Variants in ASPRV1 observed in about 807,000 individuals in gnomAD.
ASPRV1 encodes aspartic peptidase retroviral like 1, also known as retroviral-like aspartic protease 1.
ASPRV1 carries 7 observed loss-of-function variants against 11.0 expected under a neutral mutation model. The observed-to-expected ratio is 0.64, with a 90% CI of 0.36 to 1.20. ASPRV1 has a LOEUF of 1.20. ASPRV1 is among the 50% of genes most tolerant of loss of function. ASPRV1 has a pLI of 0.02. For synonymous variants in ASPRV1, 136 were observed against 138.4 expected (o/e 0.98, Z 0.12); for missense variants, 299 against 320.0 (o/e 0.93, Z 0.50).
chr2:70,014,377 A>T, the ASPRV1 span, among the ~76,000 whole-genome samples: 122 of 152,328 alleles, frequency 8.0e-4, no homozygotes, highest in African/African-American at 2.7e-3. Context: ...ACATTTCTCC[A>T]AAGAAGATAT....
chr2:70,007,719 G>A, the ASPRV1 span, among the ~76,000 whole-genome samples: 1 of 152,210 alleles, frequency 6.6e-6, no homozygotes, highest in Non-Finnish European at 1.5e-5. Flanking sequence ...TAACTGCACA[G>A]AAAGTTTCTA....
chr2:69,954,592 G>A, the ASPRV1 span, among the ~76,000 whole-genome samples: 3 of 152,104 alleles, frequency 2.0e-5, no homozygotes, highest in Non-Finnish European at 4.4e-5. Flanking sequence ...GCTGGCCCCC[G>A]TCTTCTCCTC....
At chr2:70,000,139 T>C in the ASPRV1 span, among the ~76,000 whole-genome samples, 1 of 152,148 alleles carries the variant, frequency 6.6e-6, no homozygotes, top group Non-Finnish European at 1.5e-5. Context: ...ATGAATGCTT[T>C]AAAAATGAAC....
At chr2:70,071,122 A>C in the ASPRV1 span, among the ~76,000 whole-genome samples, 1 of 152,196 alleles carries the variant, frequency 6.6e-6, no homozygotes, top group Admixed American at 6.6e-5. Context: ...CCTAATGATT[A>C]CAAGAGTAGG....
the ASPRV1 span, among the ~76,000 whole-genome samples, chr2:69,970,563 A>G: frequency 6.6e-6 from 1 of 152,114 alleles, no homozygotes; most frequent in Non-Finnish European, 1.5e-5. Flanking sequence ...CTAAGACACT[A>G]CCACCTCCAG....
At chr2:69,947,428 C>T in the ASPRV1 span, among the ~76,000 whole-genome samples, 3 of 152,188 alleles carry the variant, frequency 2.0e-5, no homozygotes, top group South Asian at 2.1e-4. Context: ...TCTCTTCTCC[C>T]TTTGGCTGTC....
At chr2:69,952,460 G>C in the ASPRV1 span, among the ~76,000 whole-genome samples, 9 of 151,560 alleles carry the variant, frequency 5.9e-5, no homozygotes, top group African/African-American at 2.2e-4. Context: ...AGCTGTGATC[G>C]TGACACTGCA....
upstream of ASPRV1, chr2:69,964,465 T>C (rs1000381250): frequency 2.5e-5 from 9 of 366,254 alleles, no homozygotes; most frequent in Admixed American, 7.1e-5. Context: ...AGTTCTCAAG[T>C]TCCCTTATGC....
At chr2:69,980,612 G>A in the ASPRV1 span, among the ~76,000 whole-genome samples, 11 of 152,066 alleles carry the variant, frequency 7.2e-5, no homozygotes, top group Non-Finnish European at 1.3e-4. Flanking sequence ...CAAAATATCT[G>A]GAGTTTACTT....
chr2:69,963,403 T>C (rs72910672), upstream of ASPRV1: 2,446 of 456,722 alleles, frequency 5.4e-3, 56 homozygotes, highest in African/African-American at 0.045. Flanking sequence ...TGCAGATAGC[T>C]TCCCAGCTGC....
the ASPRV1 span, chr2:69,993,761 G>A: frequency 1.3e-5 from 2 of 152,164 alleles, no homozygotes; most frequent in Admixed American, 1.3e-4. Flanking sequence ...CTATGGAATG[G>A]GACAATAATG....
chr2:70,063,217 C>T, the ASPRV1 span, among the ~76,000 whole-genome samples: 2 of 152,162 alleles, frequency 1.3e-5, no homozygotes, highest in African/African-American at 2.4e-5. Context: ...CCCCTCAAGA[C>T]TCTCTACTTG....
Position 69,960,829 on chromosome 2 carries a change from T to A in ASPRV1, c.608A>T (p.Asp203Val). 6.2e-7 allele frequency: 1 copy of A among 1,614,052 alleles called. No homozygotes were observed. Among genetic ancestry groups the A allele is most frequent in the Middle Eastern group, 1.6e-4 (1 of 6,062 alleles). ...ASAEEAIIGTDVLQDHNAILD... is the reference protein window; with the variant it reads ...ASAEEAIIGTVVLQDHNAILD... ...GATAGCATTGTGGTCCTGGAGCACA[T>A]CAGTGCCAATGATGGCTTCCTCGGC... Residue 203 changes from aspartate to valine, a missense_variant, in exon 1 of 1, where the codon GAT (aspartate) becomes GTT (valine). Asp to Val is a radical substitution (Grantham distance 152). Coordinates refer to ENST00000320256, the MANE Select transcript of ASPRV1 (RefSeq NM_152792.4).
the ASPRV1 span, among the ~76,000 whole-genome samples, chr2:70,027,287 G>A: frequency 8.1e-5 from 12 of 147,296 alleles, no homozygotes; most frequent in East Asian, 1.6e-3. Context: ...AAAAAAAAGC[G>A]GGGGGTGGAG....
chr2:70,013,798 T>C, the ASPRV1 span, among the ~76,000 whole-genome samples: 982 of 152,282 alleles, frequency 6.4e-3, 10 homozygotes, highest in African/African-American at 0.022. Flanking sequence ...TGAGAATCAC[T>C]TGAGCCTGGG....
chr2:69,956,150 C>T (rs543461906), downstream of ASPRV1, among the ~76,000 whole-genome samples: 1 of 152,058 alleles, frequency 6.6e-6, no homozygotes, highest in African/African-American at 2.4e-5. Flanking sequence ...TCCCCATGGC[C>T]AAATCTAAAA....
chr2:70,055,735 C>G, the ASPRV1 span: 4 of 152,004 alleles, frequency 2.6e-5, no homozygotes, highest in African/African-American at 9.7e-5. Context: ...GCACATGTAT[C>G]CAGTTTTGTT....
the ASPRV1 span, among the ~76,000 whole-genome samples, chr2:69,984,329 G>A: frequency 1.3e-5 from 2 of 152,054 alleles, no homozygotes; most frequent in African/African-American, 4.8e-5. Context: ...GTGAGCCACC[G>A]CACCCAGCCA....
At chr2:70,034,789 C>A in the ASPRV1 span, 1 of 152,174 alleles carries the variant, frequency 6.6e-6, no homozygotes, top group Non-Finnish European at 1.5e-5. Flanking sequence ...TTCCTGCCCC[C>A]ACAGACCCTC....
Sources: allele counts gnomAD v4.1 joint callset (sites outside exome capture counted in the v4.1 genomes callset), GRCh38; gene constraint gnomAD v4.1.1; transcripts MANE v1.5; gene names NCBI Gene and HGNC (gene_info 2026-07-23, HGNC 2026-07-21).